Variants in BACE2 observed in about 807,000 individuals in gnomAD.
BACE2 encodes beta-secretase 2.
In BACE2, 17 loss-of-function variants were observed where a neutral mutation model predicts 46.2. That is an observed-to-expected ratio of 0.37 (90% CI 0.25 to 0.55). BACE2 has a LOEUF of 0.55. Ranked by LOEUF, BACE2 falls within the 20% of genes least tolerant of loss-of-function variation. The pLI, the probability that BACE2 is intolerant of heterozygous loss-of-function variation, is 0.82. For missense variants in BACE2, 595 were observed against 698.1 expected, an observed-to-expected ratio of 0.85 and a Z score of 1.66; for synonymous variants, 277 against 295.9, an observed-to-expected ratio of 0.94 and a Z score of 0.66.
At position 41,168,472 on chromosome 21, in the gene BACE2, C is replaced by T; in HGVS notation, c.209C>T (p.Ser70Phe). 7.3e-7 allele frequency: 1 copy of T among 1,378,734 alleles called. No individual in the cohort carries two copies. 85.4% of individuals were successfully genotyped at this position (1,378,734 alleles called of 1,614,324 possible). Reference sequence around the variant, plus strand: ...CTCGCCCTGGAGCCTGCCCTGGCGTCCCCCGCGGGCGCCGCCAACTTCTTG... The same window carrying T: ...CTCGCCCTGGAGCCTGCCCTGGCGTTCCCCGCGGGCGCCGCCAACTTCTTG... ...LALALEPALA[S>F]PAGAANFLAM... The change falls in exon 1 of 9, where the codon TCC (serine) becomes TTC (phenylalanine). Residue 70 changes from serine (S) to phenylalanine (F), a missense_variant. Around this residue, in one of 3 missense-constraint regions of BACE2, gnomAD observed 248 missense variants for 261.4 expected, o/e 0.95. Coordinates refer to ENST00000330333, the MANE Select transcript of BACE2 (RefSeq NM_012105.5).
Position 41,192,168 on chromosome 21 carries a change from C to T in BACE2, c.312+23593C>T, listed in dbSNP as rs1237772261. Among the ~76,000 whole-genome samples the T allele has an allele frequency of 3.3e-5, 5 of 152,194 alleles. No individual in the cohort carries two copies. In the South Asian group the frequency reaches 6.2e-4, roughly 19 times the overall value. ...CTGTAGTGCTGCAGCTGTCCACTTT[C>T]GGGTGGTGCCTGCATATCATGCAGA... On this transcript the variant is annotated intron_variant, in intron 1 of 8. Coordinates refer to ENST00000330333, the MANE Select transcript of BACE2 (RefSeq NM_012105.5).
intron 5 of BACE2, among the ~76,000 whole-genome samples, chr21:41,245,452 C>T (rs925802333): frequency 2.0e-5 from 3 of 152,248 alleles, no homozygotes; most frequent in Non-Finnish European, 4.4e-5. Context: ...GTGTGTGTCT[C>T]AGTCTATGAT....
chr21:41,241,766 A>C lies in BACE2; in HGVS notation c.619-53A>C, dbSNP rs765878174. The C allele has an allele frequency of 1.2e-5, 19 of 1,606,638 alleles. No homozygotes were observed. In the Admixed American group the frequency reaches 3.2e-4, roughly 27 times the overall value. ...GCGTGGCGTCTACACTGGGTGACCC[A>C]TGTCTACACTGTGAGTCCTAAGCGG... is the stretch of plus-strand genomic sequence containing the variant. On this transcript the variant is annotated intron_variant, in intron 3 of 8. Transcript: ENST00000330333.
At chr21:41,178,924 GA>G in intron 1 of BACE2, 2 of 381,924 alleles carry the variant, frequency 5.2e-6, no homozygotes, top group Non-Finnish European at 9.2e-6. Context: ...GGGTATTGGT[GA>G]AAGAATCCTG....
intron 1 of BACE2, among the ~76,000 whole-genome samples, chr21:41,221,690 T>C (rs187443926): frequency 3.8e-4 from 57 of 151,844 alleles, no homozygotes; most frequent in African/African-American, 1.4e-3. Context: ...TAGCTGGGCG[T>C]GGTGGCGGGA....
chr21:41,262,306 G>C (rs181376710), intron 8 of BACE2, among the ~76,000 whole-genome samples: 1 of 152,176 alleles, frequency 6.6e-6, no homozygotes, highest in East Asian at 1.9e-4. Context: ...TTTTTTGCAA[G>C]GTATCTAATG....
intron 5 of BACE2, among the ~76,000 whole-genome samples, chr21:41,245,028 G>A (rs148054162): frequency 1.1e-4 from 17 of 151,604 alleles, no homozygotes; most frequent in African/African-American, 3.4e-4. Flanking sequence ...ACATCTTAGC[G>A]CAACATTTCA....
At position 41,245,358 on chromosome 21, in the gene BACE2, C is replaced by T. The variant is rs116847424; in HGVS notation, c.883-604C>T. 3.3e-5 allele frequency among the ~76,000 whole-genome samples: 5 copies of T among 152,324 alleles called. No homozygotes were observed. The East Asian group carries it at 9.7e-4, about 29-fold the overall frequency. ...TGTGCCCGTAGTGGTTGGGGTGGCTCATCTGGTGTTGGCCACTGGTGTCCA... is the reference window on the plus strand; with the variant it reads ...TGTGCCCGTAGTGGTTGGGGTGGCTTATCTGGTGTTGGCCACTGGTGTCCA... On this transcript the variant is annotated intron_variant, in intron 5 of 8. Transcript: ENST00000330333.
intron 6 of BACE2, among the ~76,000 whole-genome samples, chr21:41,249,047 G>C (rs1357690526): frequency 6.6e-6 from 1 of 152,180 alleles, no homozygotes; most frequent in Non-Finnish European, 1.5e-5. Context: ...CTGCTCACCT[G>C]TCAGTGCCTC....
rs943945045 is a variant in BACE2, at chr21:41,279,588, C to A, written c.*3964C>A. Reference sequence around the variant, plus strand: ...CTCCAGCCTGGGCAACAGAGCAAGACTCCGTCTCAAAAAAGGAAAGAAAAT... The same window carrying A: ...CTCCAGCCTGGGCAACAGAGCAAGAATCCGTCTCAAAAAAGGAAAGAAAAT... On this transcript the variant is annotated 3_prime_UTR_variant, in exon 9 of 9. Coordinates refer to ENST00000330333, the MANE Select transcript of BACE2 (RefSeq NM_012105.5). 3 of 152,206 alleles carry A rather than the reference C, an allele frequency of 2.0e-5. No individual in the cohort carries two copies. The highest frequency in any genetic ancestry group is 7.2e-5 in the African/African-American group (3 of 41,446). 9.4% of individuals were successfully genotyped at this position (152,206 alleles called of 1,614,324 possible). A position where few individuals can be genotyped will look rare whatever the true frequency, so the allele number is the denominator to read the frequency against.
chr21:41,209,605 G>C (rs1986236631), intron 1 of BACE2, among the ~76,000 whole-genome samples: 1 of 152,194 alleles, frequency 6.6e-6, no homozygotes, highest in African/African-American at 2.4e-5. Flanking sequence ...TGCTTTTATA[G>C]AGGCAGGACA....
intron 8 of BACE2, among the ~76,000 whole-genome samples, chr21:41,268,079 T>G (rs1347242105): frequency 1.3e-5 from 2 of 152,190 alleles, no homozygotes; most frequent in Admixed American, 1.3e-4. Flanking sequence ...GAGTTAAAAG[T>G]AACAGTTTAG....
intron 1 of BACE2, among the ~76,000 whole-genome samples, chr21:41,211,654 A>T (rs1330046776): frequency 6.6e-6 from 1 of 152,262 alleles, no homozygotes; most frequent in Non-Finnish European, 1.5e-5. Context: ...GCTTGCCGGC[A>T]GACTTCAGCA....
intron 1 of BACE2, among the ~76,000 whole-genome samples, chr21:41,195,737 A>G (rs1985710952): frequency 6.6e-6 from 1 of 152,242 alleles, no homozygotes; most frequent in Non-Finnish European, 1.5e-5. Context: ...GATGCCAGAT[A>G]GAAACTTTGA....
intron 1 of BACE2, chr21:41,182,076 A>G (rs1176304494): frequency 1.2e-5 from 2 of 167,110 alleles, no homozygotes; most frequent in African/African-American, 4.8e-5. Flanking sequence ...GGTTAAAGCC[A>G]TAGAAAGGAA....
At chr21:41,273,054 CT>C (rs2088449503) in intron 8 of BACE2, among the ~76,000 whole-genome samples, 1 of 152,136 alleles carries the variant, frequency 6.6e-6, no homozygotes, top group Admixed American at 6.6e-5. Flanking sequence ...GTGATGCCCC[CT>C]GAGCTGCAAA....
Position 41,258,660 on chromosome 21 carries a change from T to C in BACE2, c.1303+1334T>C, listed in dbSNP as rs146921404. Among the ~76,000 whole-genome samples, 4 of 114,546 alleles carry C rather than the reference T, an allele frequency of 3.5e-5. No homozygotes were observed. In the Admixed American group the frequency reaches 4.1e-4, roughly 12 times the overall value. 75.1% of individuals were successfully genotyped at this position (114,546 alleles called of 152,430 possible). On this transcript the variant is annotated intron_variant, in intron 8 of 8. Transcript: ENST00000330333. ...AGTAACAATTTAGAGAACAGAAATA[T>C]TAAAAGGAAAGATTGCAGTGGACTA...
intron 1 of BACE2, among the ~76,000 whole-genome samples, chr21:41,218,015 G>A (rs1237063794): frequency 1.3e-5 from 2 of 152,234 alleles, no homozygotes; most frequent in African/African-American, 2.4e-5. Context: ...GAAAATAAAT[G>A]TATATTATCT....
chr21:41,220,459 G>A (rs1601281223), intron 1 of BACE2, among the ~76,000 whole-genome samples: 1 of 152,112 alleles, frequency 6.6e-6, no homozygotes, highest in African/African-American at 2.4e-5. Flanking sequence ...CTACCTAGGG[G>A]CTGCCAGCCA....
Sources: allele counts gnomAD v4.1 joint callset (sites outside exome capture counted in the v4.1 genomes callset), GRCh38; gene constraint gnomAD v4.1.1; regional missense constraint gnomAD v4.1.1; transcripts MANE v1.5; gene names NCBI Gene and HGNC (gene_info 2026-07-23, HGNC 2026-07-21).